CAMK4: variants seen among roughly 807,000 people sequenced by gnomAD.
CAMK4 encodes calcium/calmodulin-dependent protein kinase type IV.
In CAMK4, 22 loss-of-function variants were observed where a neutral mutation model predicts 44.9. That is an observed-to-expected ratio of 0.49 (90% CI 0.35 to 0.70). CAMK4 has a LOEUF of 0.70. Ranked by LOEUF, CAMK4 falls within the 30% of genes least tolerant of loss-of-function variation. The pLI, the probability that CAMK4 is intolerant of heterozygous loss-of-function variation, is 0.01. For missense variants in CAMK4, 498 were observed against 586.8 expected (o/e 0.85, Z 1.56); for synonymous variants, 218 against 215.4 (o/e 1.01, Z -0.11).
chr5:111,480,052 C>T (rs182173895), intron 9 of CAMK4, among the ~76,000 whole-genome samples: 11 of 151,976 alleles, frequency 7.2e-5, no homozygotes, highest in African/African-American at 2.2e-4. Flanking sequence ...ATCTACATGA[C>T]GCTGCCTGGT....
chr5:111,457,444 G>A (rs25920), intron 7 of CAMK4, among the ~76,000 whole-genome samples: 97,383 of 152,096 alleles, frequency 0.64, 34,692 homozygotes, highest in Non-Finnish European at 0.8. Flanking sequence ...AGATGACACA[G>A]CACAATTAAG....
intron 1 of CAMK4, among the ~76,000 whole-genome samples, chr5:111,243,110 G>C (rs1437027378): frequency 6.6e-6 from 1 of 152,174 alleles, no homozygotes; most frequent in African/African-American, 2.4e-5. Context: ...AGCACAGTAA[G>C]GCAGATTTCA....
At chr5:111,338,567 T>C (rs1401574753) in intron 1 of CAMK4, among the ~76,000 whole-genome samples, 4 of 151,418 alleles carry the variant, frequency 2.6e-5, no homozygotes, top group African/African-American at 9.7e-5. Context: ...AGGTGGTTCC[T>C]TGATTTTCTT....
chr5:111,458,223 G>A (rs1754488336), intron 7 of CAMK4, among the ~76,000 whole-genome samples: 1 of 152,206 alleles, frequency 6.6e-6, no homozygotes, highest in Admixed American at 6.5e-5. Flanking sequence ...GCCAGGTAAA[G>A]GAAAAGTAGG....
At chr5:111,455,328 T>G in intron 7 of CAMK4, among the ~76,000 whole-genome samples, 1 of 152,202 alleles carries the variant, frequency 6.6e-6, no homozygotes, top group East Asian at 1.9e-4. Context: ...ATATATTTCA[T>G]ATATACTATG....
chr5:111,262,247 A>G (rs1201709877), intron 1 of CAMK4, among the ~76,000 whole-genome samples: 1 of 152,046 alleles, frequency 6.6e-6, no homozygotes, highest in East Asian at 1.9e-4. Context: ...CAACTCCACT[A>G]AACCAAAGGG....
intron 1 of CAMK4, among the ~76,000 whole-genome samples, chr5:111,268,303 A>G (rs901294437): frequency 6.6e-6 from 1 of 152,182 alleles, no homozygotes; most frequent in Non-Finnish European, 1.5e-5. Flanking sequence ...TTCAAATAAG[A>G]ATTGAGGTGT....
In CAMK4 at chr5:111,486,205, T is replaced by C. The variant is rs898467158; in HGVS notation, c.*1739T>C. 4 of 152,120 alleles carry C rather than the reference T, an allele frequency of 2.6e-5. No individual in the cohort carries two copies. Among genetic ancestry groups the C allele is most frequent in the Non-Finnish European group, 5.9e-5 (4 of 68,020 alleles). 9.4% of individuals were successfully genotyped at this position (152,120 alleles called of 1,614,324 possible). On this transcript the variant is annotated 3_prime_UTR_variant, in exon 11 of 11. Transcript: ENST00000282356. The stretch of plus-strand genomic sequence containing the variant: ...GAAGAAAACAAGGTAGGACTTCTTA[T>C]CTTTCATAGTTTAAGAATCTGACAG...
In CAMK4 at chr5:111,273,934, A is replaced by T. The variant is rs1299812151; in HGVS notation, c.161+49290A>T. Reference sequence around the variant, plus strand: ...TTTATATCAGGGCATATATACTTACATTATTAATTTTAATAGCTATATGTT... The same window carrying T: ...TTTATATCAGGGCATATATACTTACTTTATTAATTTTAATAGCTATATGTT... On this transcript the variant is annotated intron_variant, in intron 1 of 10. Coordinates refer to ENST00000282356, the MANE Select transcript of CAMK4 (RefSeq NM_001744.6). 5.3e-5 allele frequency among the ~76,000 whole-genome samples: 8 copies of T among 151,852 alleles called. No homozygotes were observed. In the East Asian group the frequency reaches 1.5e-3, roughly 29 times the overall value.
chr5:111,302,115 A>G (rs1747745653), intron 1 of CAMK4: 1 of 152,164 alleles, frequency 6.6e-6, no homozygotes, highest in African/African-American at 2.4e-5. Flanking sequence ...AAAACATTTT[A>G]TATTAATAAG....
intron 5 of CAMK4, among the ~76,000 whole-genome samples, chr5:111,430,369 A>G (rs1465430046): frequency 3.3e-5 from 5 of 152,236 alleles, no homozygotes; most frequent in African/African-American, 1.2e-4. Flanking sequence ...CTGAGTGGGG[A>G]AAAACTGACA....
chr5:111,320,739 C>T (rs306077), intron 1 of CAMK4, among the ~76,000 whole-genome samples: 69,387 of 152,008 alleles, frequency 0.46, 16,004 homozygotes, highest in East Asian at 0.51. Context: ...CTCCTGACCT[C>T]AGGTGATCCA....
chr5:111,285,556 C>T (rs1751206148), intron 1 of CAMK4, among the ~76,000 whole-genome samples: 1 of 152,184 alleles, frequency 6.6e-6, no homozygotes, highest in Admixed American at 6.5e-5. Context: ...GTAAGCATGG[C>T]TGCAATGGAT....
At chr5:111,398,587 T>C (rs541232102) in intron 5 of CAMK4, among the ~76,000 whole-genome samples, 1 of 152,352 alleles carries the variant, frequency 6.6e-6, no homozygotes, top group Admixed American at 6.5e-5. Flanking sequence ...GGAATATGAT[T>C]TCATTTCGGC....
intron 1 of CAMK4, among the ~76,000 whole-genome samples, chr5:111,294,592 T>C (rs1747409550): frequency 6.6e-6 from 1 of 152,188 alleles, no homozygotes; most frequent in Non-Finnish European, 1.5e-5. Context: ...GGTGATATCT[T>C]ATAAATGCTA....
chr5:111,463,545 C>G (rs1754714370), intron 7 of CAMK4, among the ~76,000 whole-genome samples: 1 of 152,190 alleles, frequency 6.6e-6, no homozygotes, highest in African/African-American at 2.4e-5. Flanking sequence ...ACACAAAACA[C>G]TGCAATAAAC....
intron 1 of CAMK4, among the ~76,000 whole-genome samples, chr5:111,276,947 G>A (rs2112594697): frequency 6.6e-6 from 1 of 152,154 alleles, no homozygotes; most frequent in South Asian, 2.1e-4. Context: ...AAGGCAATAA[G>A]CAATTTGATC....
chr5:111,371,008 T>TAACG (rs1750984059), intron 2 of CAMK4, among the ~76,000 whole-genome samples: 1 of 152,234 alleles, frequency 6.6e-6, no homozygotes, highest in Non-Finnish European at 1.5e-5. Flanking sequence ...ACTGTTCTAG[T>TAACG]AACGCCTCTC....
chr5:111,489,042 C>G lies in CAMK4; in HGVS notation c.*4576C>G, dbSNP rs993858109. ...ATCAGGGTCATTGCTAGTAGTTGAG[C>G]ATTTACTGGTTGAACATTGTTTAAT... On this transcript the variant is annotated 3_prime_UTR_variant, in exon 11 of 11. Transcript: ENST00000282356. 1.3e-5 allele frequency: 2 copies of G among 152,072 alleles called. No individual in the cohort carries two copies. The highest frequency in any genetic ancestry group is 2.9e-5 in the Non-Finnish European group (2 of 68,010). The allele number at this position is 152,072 out of a possible 1,614,324, so 9.4% of individuals were successfully genotyped here. A position where few individuals can be genotyped will look rare whatever the true frequency, so the allele number is the denominator to read the frequency against.
Sources: gnomAD v4.1 joint callset for allele counts (sites outside exome capture counted in the v4.1 genomes callset) on GRCh38, gnomAD v4.1.1 for gene constraint, MANE v1.5 for transcripts, NCBI Gene and HGNC (gene_info 2026-07-23, HGNC 2026-07-21) for gene names.